Variants in MCM5 observed in about 807,000 individuals in gnomAD.
MCM5 encodes the protein DNA replication licensing factor MCM5.
Under a neutral mutation model 79.9 loss-of-function variants are expected in MCM5, and 46 were observed. The ratio of observed to expected loss-of-function variants is 0.58; its 90% CI spans 0.45 to 0.74. The LOEUF is 0.74. MCM5 is among the 30% of genes least tolerant of loss of function. The pLI, the probability that MCM5 is intolerant of heterozygous loss-of-function variation, is 0.00. For missense variants in MCM5, 883 were observed against 1,017.0 expected (o/e 0.87, Z 1.79); for synonymous variants, 404 against 390.5 (o/e 1.03, Z -0.41).
At chr22:35,438,474 C>CGT in the MCM5 span, among the ~76,000 whole-genome samples, 3 of 22,274 alleles carry the variant, frequency 1.3e-4, no homozygotes, top group Admixed American at 3.6e-4. Flanking sequence ...CATCCATCCA[C>CGT]ATATCCATCC....
chr22:35,434,943 G>A, the MCM5 span, among the ~76,000 whole-genome samples: 1 of 152,168 alleles, frequency 6.6e-6, no homozygotes, highest in Non-Finnish European at 1.5e-5. Flanking sequence ...CTTGAGGTCA[G>A]GAGTTCAAGA....
downstream of MCM5, among the ~76,000 whole-genome samples, chr22:35,427,247 G>C (rs1219492538): frequency 6.6e-6 from 1 of 152,120 alleles, no homozygotes; most frequent in Non-Finnish European, 1.5e-5. Context: ...TCCAATTTAG[G>C]TTTCTCTTTA....
chr22:35,434,517 G>T, the MCM5 span, among the ~76,000 whole-genome samples: 1 of 152,324 alleles, frequency 6.6e-6, no homozygotes, highest in African/African-American at 2.4e-5. Context: ...AGTGGCCAGA[G>T]AGATGAGATG....
chr22:35,434,444 G>A, the MCM5 span, among the ~76,000 whole-genome samples: 4 of 152,028 alleles, frequency 2.6e-5, no homozygotes, highest in Non-Finnish European at 4.4e-5. Flanking sequence ...TCCATTTATC[G>A]GTCCCAGGGG....
In MCM5 at chr22:35,419,884, G is replaced by A; in HGVS notation, c.1704G>A (p.Val568=). The change falls in exon 14 of 17, where the codon GTG becomes GTA. Residue 568 remains valine (V), a splice_region_variant and synonymous_variant. Transcript: ENST00000216122. ...KLKKFIAYCR[V]KCGPRLSAEA... is the part of the protein sequence containing the mutation. The stretch of plus-strand genomic sequence containing the variant: ...CCAGCCTCTCCCCACTGTCCTGCAG[G>A]AAGTGTGGCCCCCGGCTGTCAGCAG... 6.2e-7 allele frequency: 1 copy of A among 1,610,826 alleles called. No individual in the cohort carries two copies. Among genetic ancestry groups the A allele is most frequent in the East Asian group, 2.2e-5 (1 of 44,766 alleles).
intron 7 of MCM5, among the ~76,000 whole-genome samples, chr22:35,412,280 C>G (rs887060415): frequency 3.3e-5 from 5 of 152,212 alleles, no homozygotes; most frequent in African/African-American, 1.2e-4. Flanking sequence ...TCTGTTTGCT[C>G]AGAACCCTTC....
intron 9 of MCM5, 84 bp from the exon 10 acceptor site, chr22:35,415,745 T>C (rs1256694002): frequency 6.7e-7 from 1 of 1,502,528 alleles, no homozygotes; most frequent in Non-Finnish European, 9.1e-7. Flanking sequence ...CTTGGGCAAA[T>C]CACAACCTCA....
At chr22:35,440,914 G>C in the MCM5 span, among the ~76,000 whole-genome samples, 1 of 152,138 alleles carries the variant, frequency 6.6e-6, no homozygotes, top group Non-Finnish European at 1.5e-5. Context: ...AAAATTAGCC[G>C]GGTGTGGTGG....
rs181949924 is a variant in MCM5 at position 35,416,818 on chromosome 22, C to G, written c.1590+4C>G. ...GCACAATGAGGAGAGGGATGTGGTA[C>G]GTCCAGGGGCAGGGCTGGTGGCCAT... On this transcript the variant is annotated splice_donor_region_variant and intron_variant, in intron 12 of 16. Coordinates refer to ENST00000216122, the MANE Select transcript of MCM5 (RefSeq NM_006739.4). 4.3e-6 allele frequency: 7 copies of G among 1,612,690 alleles called. No individual in the cohort carries two copies. In the African/African-American group the frequency reaches 5.3e-5, roughly 12 times the overall value.
the MCM5 span, among the ~76,000 whole-genome samples, chr22:35,443,648 C>G: frequency 6.6e-6 from 1 of 152,204 alleles, no homozygotes; most frequent in Non-Finnish European, 1.5e-5. Flanking sequence ...TCCACCTTTC[C>G]AAATGCAGCC....
At chr22:35,419,409 CT>C (rs965284588) in intron 13 of MCM5, among the ~76,000 whole-genome samples, 21 of 152,302 alleles carry the variant, frequency 1.4e-4, no homozygotes, top group Middle Eastern at 3.4e-3. Flanking sequence ...CTCCCAGCCC[CT>C]GGACTGCAGT....
In MCM5 at chr22:35,421,478, C is replaced by A. The variant is rs147492523; in HGVS notation, c.1975+18C>A. 8.6e-4 allele frequency: 1,390 copies of A among 1,613,900 alleles called. 18 individuals carry two copies. The African/African-American group carries it at 0.013, about 16-fold the overall frequency. Reference sequence around the variant, plus strand: ...CCTGTCAGGTGAGCAGATGCAGGGGCCATGGTCTCAATTGATCTGGGTTCC... The same window carrying A: ...CCTGTCAGGTGAGCAGATGCAGGGGACATGGTCTCAATTGATCTGGGTTCC... On this transcript the variant is annotated intron_variant, in intron 15 of 16. Transcript: ENST00000216122.
In MCM5 at chr22:35,424,657, C is replaced by T. The variant is rs564815205; in HGVS notation, c.*402C>T. On this transcript the variant is annotated 3_prime_UTR_variant, in exon 17 of 17. Transcript: ENST00000216122. ...GGTAAGTCACGTGACTTGAGTGCTC[C>T]GGTTTCTTCATCTGTTTAGCGGGGC... 6.2e-6 allele frequency: 1 copy of T among 162,584 alleles called. No individual in the cohort carries two copies. Among genetic ancestry groups the T allele is most frequent in the South Asian group, 2.0e-4 (1 of 5,094 alleles). 10.1% of individuals were successfully genotyped at this position (162,584 alleles called of 1,614,324 possible).
At chr22:35,442,787 G>A in the MCM5 span, among the ~76,000 whole-genome samples, 1 of 152,222 alleles carries the variant, frequency 6.6e-6, no homozygotes, top group Non-Finnish European at 1.5e-5. Context: ...AAGGCGCCGT[G>A]TTCACAGGTT....
downstream of MCM5, among the ~76,000 whole-genome samples, chr22:35,429,680 C>T (rs556531120): frequency 1.2e-3 from 176 of 152,120 alleles, no homozygotes; most frequent in African/African-American, 3.9e-3. Flanking sequence ...GGACTACAGG[C>T]GCGCGCCACT....
chr22:35,410,485 GAGTC>G (rs2145790297), intron 6 of MCM5: 1 of 453,296 alleles, frequency 2.2e-6, no homozygotes, highest in African/African-American at 2.0e-5. Context: ...AGTTCAGCGA[GAGTC>G]AGGCCACCAC....
chr22:35,416,339 A>T lies in MCM5; in HGVS notation c.1348A>T (p.Met450Leu), dbSNP rs1442144501. ...GVVCIDEFDK[M>L]REDDRVAIHE... ...TGATATTTCTCTCTTCCCCACTTAG[A>T]TGCGAGAAGATGACCGTGTGGCAAT... The change falls in exon 11 of 17, where the codon ATG becomes TTG. Residue 450 changes from methionine to leucine, a missense_variant and splice_region_variant. Physicochemically the swap from Met to Leu is conservative, Grantham distance 15 (BLOSUM62 2). This residue lies in a region of MCM5 where 426 missense variants were observed against 482.3 expected (regional missense o/e 0.88). Transcript: ENST00000216122. 1.2e-6 allele frequency: 2 copies of T among 1,613,858 alleles called. No individual in the cohort carries two copies. Among genetic ancestry groups the T allele is most frequent in the South Asian group, 2.2e-5 (2 of 91,086 alleles).
chr22:35,453,819 T>TATATATATAGAG, the MCM5 span, among the ~76,000 whole-genome samples: 462 of 81,478 alleles, frequency 5.7e-3, 1 homozygote, highest in Non-Finnish European at 7.2e-3. Context: ...TATATATATA[T>TATATATATAGAG]AGAGAGAGAG....
At chr22:35,433,460 C>A in the MCM5 span, among the ~76,000 whole-genome samples, 3 of 152,232 alleles carry the variant, frequency 2.0e-5, no homozygotes, top group Non-Finnish European at 4.4e-5. Context: ...GGGGCTTCCC[C>A]TGGGTCAGAA....
Sources: gnomAD v4.1 joint callset for allele counts (sites outside exome capture counted in the v4.1 genomes callset) on GRCh38, gnomAD v4.1.1 for gene constraint, gnomAD v4.1.1 regional missense constraint, MANE v1.5 for transcripts, NCBI Gene and HGNC (gene_info 2026-07-23, HGNC 2026-07-21) for gene names.